The following KIF13A variants were observed in gnomAD, a reference collection of about 807,000 sequenced individuals.
KIF13A encodes the protein kinesin family member 13A.
In KIF13A, 79 loss-of-function variants were observed where a neutral mutation model predicts 212.2. The ratio of observed to expected loss-of-function variants is 0.37; its 90% CI spans 0.31 to 0.45. KIF13A has a LOEUF of 0.45. KIF13A is among the 20% of genes least tolerant of loss of function. The pLI is 1.00. For missense variants in KIF13A, 1,901 were observed against 2,209.0 expected (o/e 0.86, Z 2.79); for synonymous variants, 789 against 808.6 (o/e 0.98, Z 0.41).
intron 22 of KIF13A, among the ~76,000 whole-genome samples, chr6:17,797,073 A>C (rs1035357403): frequency 6.6e-6 from 1 of 151,266 alleles, no homozygotes; most frequent in Non-Finnish European, 1.5e-5. Flanking sequence ...TCTGTCGCCC[A>C]GGCTGGAGTG....
rs1453756530 is a variant in KIF13A at position 17,895,963 on chromosome 6, TTAATA to T, written c.159+2200_159+2204del. Reference sequence around the variant, plus strand: ...ACAAATATTTTGCCTCTTGTGGTCTTTAATATAATCAATTTTATATTGTGCACATA... The same window carrying T: ...ACAAATATTTTGCCTCTTGTGGTCTTTAATCAATTTTATATTGTGCACATA... On this transcript the variant is annotated intron_variant, in intron 3 of 38. Transcript: ENST00000259711. This position sits in a 1 kb window ranked among gnomAD's most constrained non-coding sequence, Gnocchi z 4.4. 6.6e-6 allele frequency among the ~76,000 whole-genome samples: 1 copy of T among 152,222 alleles called. No individual in the cohort carries two copies. The highest frequency in any genetic ancestry group is 6.5e-5 in the Admixed American group (1 of 15,286).
At chr6:17,867,561 A>AT (rs1268636579) in intron 4 of KIF13A, among the ~76,000 whole-genome samples, 1 of 152,308 alleles carries the variant, frequency 6.6e-6, no homozygotes, top group East Asian at 1.9e-4. Flanking sequence ...AAGATTTATA[A>AT]TAAGGAGGTG....
intron 2 of KIF13A, among the ~76,000 whole-genome samples, chr6:17,910,670 C>T (rs1326279195): frequency 6.6e-6 from 1 of 152,204 alleles, no homozygotes; most frequent in Non-Finnish European, 1.5e-5. Context: ...AACTTTATAA[C>T]AGAAGCAATA....
intron 2 of KIF13A, among the ~76,000 whole-genome samples, chr6:17,948,818 G>A (rs1041471376): frequency 2.6e-5 from 4 of 151,736 alleles, no homozygotes; most frequent in Admixed American, 1.3e-4. Context: ...CACCCGTTTC[G>A]GCCCCTCAAA....
intron 2 of KIF13A, chr6:17,950,747 T>C (rs2150569797): frequency 4.1e-6 from 4 of 981,824 alleles, no homozygotes; most frequent in Non-Finnish European, 4.8e-6. Context: ...AAAAGATACT[T>C]AGAAATAACC....
In KIF13A at chr6:17,785,990, T is replaced by A. The variant is rs1050313526; in HGVS notation, c.3362-349A>T. ...CTATAAGTGGTTTAACCATCCACTATGTCCCTAAAATGGATTTGAGTCTTT... is the reference window on the plus strand; with the variant it reads ...CTATAAGTGGTTTAACCATCCACTAAGTCCCTAAAATGGATTTGAGTCTTT... On this transcript the variant is annotated intron_variant, in intron 27 of 38. Coordinates refer to ENST00000259711, the MANE Select transcript of KIF13A (RefSeq NM_022113.6). This position sits in a 1 kb window ranked among gnomAD's most constrained non-coding sequence, Gnocchi z 5.8. Among the ~76,000 whole-genome samples, 3 of 152,228 alleles carry A rather than the reference T, an allele frequency of 2.0e-5. No homozygotes were observed. The highest frequency in any genetic ancestry group is 4.4e-5 in the Non-Finnish European group (3 of 68,038).
At chr6:17,891,394 T>TA (rs1216242280) in intron 3 of KIF13A, among the ~76,000 whole-genome samples, 3 of 152,178 alleles carry the variant, frequency 2.0e-5, no homozygotes, top group Non-Finnish European at 4.4e-5. Context: ...ACATGCTACA[T>TA]AAAAAAATTT....
At chr6:17,873,158 T>C in intron 4 of KIF13A, 1 of 474,208 alleles carries the variant, frequency 2.1e-6, no homozygotes, top group Admixed American at 3.9e-5. Context: ...GTGAACAATT[T>C]GAAGCTTAAT....
intron 3 of KIF13A, among the ~76,000 whole-genome samples, chr6:17,884,949 C>A (rs78500633): frequency 0.013 from 1,940 of 152,258 alleles, 42 homozygotes; most frequent in African/African-American, 0.044. Flanking sequence ...AATATGAAAG[C>A]GACACTTCAA....
In KIF13A at chr6:17,887,636, G is replaced by A. The variant is rs1023472160; in HGVS notation, c.159+10532C>T. On this transcript the variant is annotated intron_variant, in intron 3 of 38. Coordinates refer to ENST00000259711, the MANE Select transcript of KIF13A (RefSeq NM_022113.6). ...TCATGTACTCTACACTTTAACCAGA[G>A]TGTGCAACTTATTTCCTAATACGTC... Among the ~76,000 whole-genome samples, 5 of 152,070 alleles carry A rather than the reference G, an allele frequency of 3.3e-5. 1 individual carries two copies. The East Asian group carries it at 5.8e-4, about 18-fold the overall frequency.
rs368206614 is a variant in KIF13A, at chr6:17,904,789, A to G, written c.147-6609T>C. ...CAAAGGCCCTGATGTACAATGCCCT[A>G]CGACGTGTGTGATCAGAGAAGTATC... On this transcript the variant is annotated intron_variant, in intron 2 of 38. Coordinates refer to ENST00000259711, the MANE Select transcript of KIF13A (RefSeq NM_022113.6). Among the ~76,000 whole-genome samples the G allele has an allele frequency of 7.9e-5, 12 of 152,376 alleles. No individual in the cohort carries two copies. In the East Asian group the frequency reaches 2.3e-3, roughly 29 times the overall value.
chr6:17,849,415 A>G lies in KIF13A; in HGVS notation c.792T>C (p.Ala264=), dbSNP rs201472954. The part of the protein sequence containing the change: ...AGSERVSKTG[A]AGERLKEGSN... ...TGCCTTCTTTCAGTCGCTCTCCTGC[A>G]GCTCCTGTTTTAGATACTCTTTCGC... The change falls in exon 9 of 39, where the codon GCT becomes GCC. Residue 264 remains alanine (A), a synonymous_variant. Coordinates refer to ENST00000259711, the MANE Select transcript of KIF13A (RefSeq NM_022113.6). The surrounding 1 kb of genome is among the most constrained non-coding windows in gnomAD (Gnocchi z 5.7). 389 of 1,613,672 alleles carry G rather than the reference A, an allele frequency of 2.4e-4. No individual in the cohort carries two copies. Among genetic ancestry groups the G allele is most frequent in the East Asian group, 1.6e-3 (70 of 44,854 alleles).
chr6:17,920,336 G>C (rs1004304794), intron 2 of KIF13A, among the ~76,000 whole-genome samples: 1 of 152,174 alleles, frequency 6.6e-6, no homozygotes, highest in African/African-American at 2.4e-5. Context: ...GGGAAGGAGA[G>C]AGGATAGGAA....
chr6:17,817,090 T>C lies in KIF13A; in HGVS notation c.1930A>G (p.Ser644Gly). 6.2e-7 allele frequency: 1 copy of C among 1,613,928 alleles called. No homozygotes were observed. Among genetic ancestry groups the C allele is most frequent in the East Asian group, 2.2e-5 (1 of 44,880 alleles). ...QLSPDRQPQS[S>G]GPDRLAYSSQ... is the part of the protein sequence containing the mutation. ...CTGTAGGCCAGGCGGTCAGGGCCGC[T>C]ACTCTGTGGCTGCCTGTCGGGGGAG... is the stretch of plus-strand genomic sequence containing the variant. Residue 644 changes from serine (S) to glycine (G), a missense_variant, in exon 17 of 39, where the codon AGC (serine) becomes GGC (glycine). Ser to Gly is a moderately conservative substitution (Grantham distance 56). This residue lies in a region of KIF13A where 534 missense variants were observed against 536.9 expected (regional missense o/e 0.99). Coordinates refer to ENST00000259711, the MANE Select transcript of KIF13A (RefSeq NM_022113.6).
intron 2 of KIF13A, among the ~76,000 whole-genome samples, chr6:17,973,337 G>C (rs1459823433): frequency 1.3e-5 from 2 of 152,194 alleles, no homozygotes; most frequent in Non-Finnish European, 2.9e-5. Flanking sequence ...AGGCAAAGGA[G>C]GTATGTAGAA....
chr6:17,882,104 G>A (rs1562092457), intron 3 of KIF13A: 1 of 456,672 alleles, frequency 2.2e-6, no homozygotes, highest in Non-Finnish European at 4.4e-6. Flanking sequence ...ATAAAAACGA[G>A]ATGTGAAGGT....
At chr6:17,931,084 G>T (rs1210329409) in intron 2 of KIF13A, among the ~76,000 whole-genome samples, 1 of 152,126 alleles carries the variant, frequency 6.6e-6, no homozygotes, top group African/African-American at 2.4e-5. Flanking sequence ...TTTTTTATGT[G>T]TGATGTTACA....
At chr6:17,965,356 T>C (rs1468781005) in intron 2 of KIF13A, among the ~76,000 whole-genome samples, 1 of 152,222 alleles carries the variant, frequency 6.6e-6, no homozygotes, top group Non-Finnish European at 1.5e-5. Context: ...TTACTAAGAA[T>C]AGTATTCAAA....
rs76500022 is a variant in KIF13A, at chr6:17,783,445, C to T, written c.3544+201G>A. Among the ~76,000 whole-genome samples the T allele has an allele frequency of 0.025, 3,867 of 152,194 alleles. 74 individuals are homozygous for T. Among genetic ancestry groups the T allele is most frequent in the Non-Finnish European group, 0.04 (2,729 of 67,982 alleles). On this transcript the variant is annotated intron_variant, in intron 29 of 38. Transcript: ENST00000259711. This position sits in a 1 kb window ranked among gnomAD's most constrained non-coding sequence, Gnocchi z 4.3. ...GCAACTGTGCTAATGCTCGTGCATG[C>T]AGTTCTCAATCACCCTATGTGCTCT...
Sources: allele counts gnomAD v4.1 joint callset (sites outside exome capture counted in the v4.1 genomes callset), GRCh38; gene constraint gnomAD v4.1.1; regional missense constraint gnomAD v4.1.1; non-coding constraint Gnocchi (gnomAD v3.1); transcripts MANE v1.5; gene names NCBI Gene and HGNC (gene_info 2026-07-23, HGNC 2026-07-21).